Variants in ABTB3 observed in about 807,000 individuals in gnomAD.
ABTB3 encodes the protein ankyrin repeat and BTB domain containing 3.
chr12:107,386,431 A>T, the ABTB3 span, among the ~76,000 whole-genome samples: 1 of 152,334 alleles, frequency 6.6e-6, no homozygotes, highest in South Asian at 2.1e-4. Flanking sequence ...CATATAGTAT[A>T]TACTCAAAAA....
the ABTB3 span, among the ~76,000 whole-genome samples, chr12:107,593,262 G>A: frequency 6.6e-6 from 1 of 152,194 alleles, no homozygotes; most frequent in Non-Finnish European, 1.5e-5. Context: ...CAGTGGCAGA[G>A]TTGAGTAGTT....
chr12:107,569,444 G>C, the ABTB3 span, among the ~76,000 whole-genome samples: 1 of 152,156 alleles, frequency 6.6e-6, no homozygotes, highest in Non-Finnish European at 1.5e-5. Context: ...TTTTCACAAG[G>C]TTGATGAACA....
the ABTB3 span, among the ~76,000 whole-genome samples, chr12:107,482,776 C>CCCTT: frequency 1.1e-4 from 16 of 151,170 alleles, no homozygotes; most frequent in Admixed American, 2.6e-4. Context: ...TTGCCTTCCT[C>CCCTT]CCTTCCTTCC....
the ABTB3 span, among the ~76,000 whole-genome samples, chr12:107,601,789 G>A: frequency 7.9e-5 from 12 of 152,186 alleles, no homozygotes; most frequent in African/African-American, 2.2e-4. Context: ...AAACAAGTTC[G>A]TATTTGTAAA....
chr12:107,425,766 C>T, the ABTB3 span, among the ~76,000 whole-genome samples: 4 of 152,216 alleles, frequency 2.6e-5, no homozygotes, highest in Admixed American at 6.5e-5. Flanking sequence ...CCTATGAGCT[C>T]CTTAAGCTCC....
the ABTB3 span, among the ~76,000 whole-genome samples, chr12:107,586,532 C>T: frequency 6.6e-6 from 1 of 152,202 alleles, no homozygotes; most frequent in Non-Finnish European, 1.5e-5. Context: ...CAGCAGACAT[C>T]ACACTCCATG....
chr12:107,622,342 AGAT>A, the ABTB3 span, among the ~76,000 whole-genome samples: 1 of 152,104 alleles, frequency 6.6e-6, no homozygotes, highest in African/African-American at 2.4e-5. Flanking sequence ...AACTGGAGGG[AGAT>A]GATGACAGAG....
chr12:107,323,301 G>A, the ABTB3 span, among the ~76,000 whole-genome samples: 6 of 152,088 alleles, frequency 3.9e-5, no homozygotes, highest in African/African-American at 1.4e-4. Context: ...CCTTCTTACT[G>A]CCATTTCTGT....
At chr12:107,456,490 A>G in the ABTB3 span, among the ~76,000 whole-genome samples, 3 of 152,288 alleles carry the variant, frequency 2.0e-5, no homozygotes, top group East Asian at 5.8e-4. Context: ...ATGCCTGGTG[A>G]TCTGTCACTG....
chr12:107,339,609 G>A, the ABTB3 span, among the ~76,000 whole-genome samples: 1 of 152,058 alleles, frequency 6.6e-6, no homozygotes, highest in African/African-American at 2.4e-5. Context: ...TTTTCATTTG[G>A]GTTAAGCAAT....
At chr12:107,476,994 G>A in the ABTB3 span, among the ~76,000 whole-genome samples, 1 of 152,158 alleles carries the variant, frequency 6.6e-6, no homozygotes, top group Non-Finnish European at 1.5e-5. Flanking sequence ...CTAGCTGGTG[G>A]AAGGGTGTCC....
At chr12:107,406,661 T>C in the ABTB3 span, among the ~76,000 whole-genome samples, 1 of 152,202 alleles carries the variant, frequency 6.6e-6, no homozygotes, top group Non-Finnish European at 1.5e-5. Flanking sequence ...CAGGTACTGT[T>C]GTAGGCTCTG....
At chr12:107,543,641 G>A in the ABTB3 span, among the ~76,000 whole-genome samples, 18 of 152,184 alleles carry the variant, frequency 1.2e-4, no homozygotes, top group African/African-American at 4.1e-4. Context: ...ATGCAGGAAC[G>A]GGACGCAAAG....
the ABTB3 span, among the ~76,000 whole-genome samples, chr12:107,397,749 G>A: frequency 6.6e-6 from 1 of 152,046 alleles, no homozygotes; most frequent in Non-Finnish European, 1.5e-5. Flanking sequence ...TTCATGTTTA[G>A]GTCATTCATC....
chr12:107,613,870 T>G, the ABTB3 span, among the ~76,000 whole-genome samples: 11 of 152,118 alleles, frequency 7.2e-5, no homozygotes, highest in South Asian at 2.1e-4. Context: ...GTGTGTGTGT[T>G]TTTTTAATGT....
At chr12:107,390,333 T>C in the ABTB3 span, among the ~76,000 whole-genome samples, 1 of 152,230 alleles carries the variant, frequency 6.6e-6, no homozygotes, top group South Asian at 2.1e-4. Context: ...TAGCCTTAGA[T>C]ACTTAATAAC....
chr12:107,561,988 C>A, the ABTB3 span, among the ~76,000 whole-genome samples: 19 of 152,190 alleles, frequency 1.2e-4, no homozygotes, highest in African/African-American at 4.6e-4. Context: ...TTTGTGCATT[C>A]CTTTATCATA....
At chr12:107,333,997 A>C in the ABTB3 span, among the ~76,000 whole-genome samples, 2 of 152,232 alleles carry the variant, frequency 1.3e-5, no homozygotes, top group African/African-American at 2.4e-5. Context: ...TTTCAGGCAG[A>C]GGGAACAGCC....
the ABTB3 span, among the ~76,000 whole-genome samples, chr12:107,505,523 G>C: frequency 2.6e-5 from 4 of 151,878 alleles, no homozygotes; most frequent in African/African-American, 7.3e-5. Flanking sequence ...CGATTGGTTA[G>C]TTACTTGGGG....
Sources: allele counts gnomAD v4.1 joint callset (sites outside exome capture counted in the v4.1 genomes callset), GRCh38; gene constraint gnomAD v4.1.1; transcripts MANE v1.5; gene names NCBI Gene and HGNC (gene_info 2026-07-23, HGNC 2026-07-21).